GALNTL6: variants seen among roughly 807,000 people sequenced by gnomAD.
GALNTL6 encodes the protein polypeptide N-acetylgalactosaminyltransferase-like 6.
GALNTL6 carries 46 observed loss-of-function variants against 73.7 expected under a neutral mutation model. The observed-to-expected ratio is 0.62, with a 90% CI of 0.49 to 0.80. The LOEUF (loss-of-function observed/expected upper bound fraction) is 0.80, where lower values mean the gene tolerates loss of function less well. Among genes scored for constraint, GALNTL6 ranks in the 30% least tolerant of loss-of-function variants. GALNTL6 has a pLI of 0.00. For missense variants in GALNTL6, 604 were observed against 755.0 expected (o/e 0.80, Z 2.34); for synonymous variants, 259 against 263.7 (o/e 0.98, Z 0.17).
Position 172,049,747 on chromosome 4 carries a change from G to A in GALNTL6, c.139-179909G>A, listed in dbSNP as rs191149336. On this transcript the variant is annotated intron_variant, in intron 2 of 12. Coordinates refer to ENST00000506823, the MANE Select transcript of GALNTL6 (RefSeq NM_001034845.3). ...GCCTGTAATCCCAGCACTTTGGGAG[G>A]CCAAGGCAGGTGGATCACCTGAGGT... Among the ~76,000 whole-genome samples the A allele has an allele frequency of 2.0e-5, 3 of 152,230 alleles. No individual in the cohort carries two copies. In the East Asian group the frequency reaches 5.8e-4, roughly 30 times the overall value.
At chr4:171,842,550 C>A (rs1014524170) in intron 2 of GALNTL6, among the ~76,000 whole-genome samples, 2 of 151,988 alleles carry the variant, frequency 1.3e-5, no homozygotes, top group African/African-American at 4.8e-5. Context: ...GTGCTGTCAT[C>A]CACTTCTGGT....
chr4:172,974,187 A>G (rs1393519133), intron 10 of GALNTL6, among the ~76,000 whole-genome samples: 1 of 152,224 alleles, frequency 6.6e-6, no homozygotes, highest in Non-Finnish European at 1.5e-5. Context: ...ATAGTGCCAC[A>G]GTAACAAAAA....
At chr4:172,996,878 G>A (rs1165507901) in intron 10 of GALNTL6, among the ~76,000 whole-genome samples, 1 of 151,952 alleles carries the variant, frequency 6.6e-6, no homozygotes, top group African/African-American at 2.4e-5. Context: ...TTAAAATCTA[G>A]AGCCTCTTGC....
intron 2 of GALNTL6, among the ~76,000 whole-genome samples, chr4:172,126,783 C>G (rs1012133975): frequency 3.3e-5 from 5 of 152,158 alleles, no homozygotes; most frequent in African/African-American, 4.8e-5. Flanking sequence ...AAGCCCAGCC[C>G]CCACCAGAAG....
At chr4:172,523,452 C>T (rs188398151) in intron 5 of GALNTL6, among the ~76,000 whole-genome samples, 56 of 152,202 alleles carry the variant, frequency 3.7e-4, no homozygotes, top group Non-Finnish European at 5.3e-4. Context: ...GCAACCTCCA[C>T]CTCCTGGGCT....
At chr4:172,683,253 T>A (rs977335116) in intron 5 of GALNTL6, among the ~76,000 whole-genome samples, 3 of 152,170 alleles carry the variant, frequency 2.0e-5, no homozygotes, top group Non-Finnish European at 4.4e-5. Context: ...CTTGGATCAT[T>A]GTAGTCAGTG....
At chr4:172,171,868 G>A (rs752275572) in intron 2 of GALNTL6, among the ~76,000 whole-genome samples, 23 of 152,018 alleles carry the variant, frequency 1.5e-4, no homozygotes, top group Non-Finnish European at 2.8e-4. Context: ...TTCTGAACAG[G>A]GCAGTATTGG....
At chr4:172,847,486 A>G (rs911226587) in intron 7 of GALNTL6, among the ~76,000 whole-genome samples, 2 of 151,938 alleles carry the variant, frequency 1.3e-5, no homozygotes, top group Admixed American at 6.6e-5. Context: ...GCTTGTGTGT[A>G]TATGTTTATA....
At position 172,882,768 on chromosome 4, in the gene GALNTL6, G is replaced by T. The variant is rs188479216; in HGVS notation, c.924-22G>T. The T allele has an allele frequency of 1.1e-4, 157 of 1,418,456 alleles. No homozygotes were observed. The Middle Eastern group carries it at 1.6e-3, about 14-fold the overall frequency. 87.9% of individuals were successfully genotyped at this position (1,418,456 alleles called of 1,614,324 possible). A position where few individuals can be genotyped will look rare whatever the true frequency, so the allele number is the denominator to read the frequency against. On this transcript the variant is annotated intron_variant, in intron 7 of 12. Coordinates refer to ENST00000506823, the MANE Select transcript of GALNTL6 (RefSeq NM_001034845.3). ...TCTGTAACGTTCATAGTCCTTTAAAGATTATTTTGTTCATTTCACAGGTCT... is the reference window on the plus strand; with the variant it reads ...TCTGTAACGTTCATAGTCCTTTAAATATTATTTTGTTCATTTCACAGGTCT...
rs180795099 is a variant in GALNTL6, at chr4:172,377,460, C to G, written c.553+28771C>G. On this transcript the variant is annotated intron_variant, in intron 5 of 12. Coordinates refer to ENST00000506823, the MANE Select transcript of GALNTL6 (RefSeq NM_001034845.3). ...TCCAAGTCCCCACCTGACTCAGGAG[C>G]CCAGCTGGCTTCGCCTAGCAGATCC... Among the ~76,000 whole-genome samples the G allele has an allele frequency of 3.4e-3, 525 of 152,348 alleles. 2 individuals carry two copies. Among genetic ancestry groups the G allele is most frequent in the African/African-American group, 0.012 (487 of 41,598 alleles).
intron 2 of GALNTL6, among the ~76,000 whole-genome samples, chr4:171,835,518 C>A (rs1347578310): frequency 6.6e-6 from 1 of 151,856 alleles, no homozygotes; most frequent in African/African-American, 2.4e-5. Context: ...AAATATATTA[C>A]TTAGGCAGAA....
chr4:172,099,179 T>C (rs1308942668), intron 2 of GALNTL6, among the ~76,000 whole-genome samples: 1 of 152,114 alleles, frequency 6.6e-6, no homozygotes, highest in East Asian at 1.9e-4. Flanking sequence ...ATATTCCCAT[T>C]AGGTTGGTGA....
chr4:172,194,107 C>G (rs985078695), intron 2 of GALNTL6, among the ~76,000 whole-genome samples: 1 of 152,144 alleles, frequency 6.6e-6, no homozygotes, highest in African/African-American at 2.4e-5. Context: ...ATTACAGGAG[C>G]TGTTAACCAG....
intron 2 of GALNTL6, among the ~76,000 whole-genome samples, chr4:172,129,269 C>A (rs541794321): frequency 6.6e-6 from 1 of 152,132 alleles, no homozygotes; most frequent in African/African-American, 2.4e-5. Flanking sequence ...AATATACAGG[C>A]AGAAAACTTA....
intron 5 of GALNTL6, among the ~76,000 whole-genome samples, chr4:172,590,026 A>T (rs917922955): frequency 2.0e-4 from 31 of 152,190 alleles, no homozygotes; most frequent in African/African-American, 7.2e-4. Context: ...GGCCCATGGT[A>T]CTTGTCTTTA....
At position 172,304,943 on chromosome 4, in the gene GALNTL6, T is replaced by C. The variant is rs190523134; in HGVS notation, c.248-6671T>C. Among the ~76,000 whole-genome samples, 30 of 152,342 alleles carry C rather than the reference T, an allele frequency of 2.0e-4. No individual in the cohort carries two copies. In the East Asian group the frequency reaches 5.2e-3, roughly 26 times the overall value. On this transcript the variant is annotated intron_variant, in intron 3 of 12. Transcript: ENST00000506823. The stretch of plus-strand genomic sequence containing the variant: ...CCAGGTTATACAAAGTTCATTAGTT[T>C]TCCACAATTTTGAAACTCTTCTAGG...
intron 5 of GALNTL6, among the ~76,000 whole-genome samples, chr4:172,784,189 C>T (rs1739526429): frequency 6.6e-6 from 1 of 152,016 alleles, no homozygotes; most frequent in Non-Finnish European, 1.5e-5. Context: ...ACAGAAGTTT[C>T]AGTACATAAC....
intron 7 of GALNTL6, among the ~76,000 whole-genome samples, chr4:172,815,683 T>C (rs926425801): frequency 6.6e-6 from 1 of 152,200 alleles, no homozygotes; most frequent in Non-Finnish European, 1.5e-5. Flanking sequence ...GCTATTACAA[T>C]ATCAAGCACC....
intron 2 of GALNTL6, among the ~76,000 whole-genome samples, chr4:171,826,888 T>C (rs1734839653): frequency 6.6e-6 from 1 of 151,968 alleles, no homozygotes; most frequent in Non-Finnish European, 1.5e-5. Flanking sequence ...TCACTGCCAT[T>C]CCCAACCAAC....
Sources: gnomAD v4.1 joint callset for allele counts (sites outside exome capture counted in the v4.1 genomes callset) on GRCh38, gnomAD v4.1.1 for gene constraint, MANE v1.5 for transcripts, NCBI Gene and HGNC (gene_info 2026-07-23, HGNC 2026-07-21) for gene names.